PROM2: variants seen among roughly 807,000 people sequenced by gnomAD.
PROM2 encodes the protein prominin-2.
Under a neutral mutation model 110.2 loss-of-function variants are expected in PROM2, and 90 were observed. The observed-to-expected ratio is 0.82, with a 90% confidence interval of 0.69 to 0.97. The LOEUF (loss-of-function observed/expected upper bound fraction) is 0.97. Ranked by LOEUF, PROM2 falls within the 50% of genes least tolerant of loss-of-function variation. PROM2 has a pLI of 0.00. For synonymous variants in PROM2, 470 were observed against 467.8 expected, an observed-to-expected ratio of 1.00 and a Z score of -0.06; for missense variants, 1,009 against 1,074.8, an observed-to-expected ratio of 0.94 and a Z score of 0.86.
chr2:95,282,637 G>A (rs1349211018), intron 14 of PROM2, among the ~76,000 whole-genome samples: 2 of 152,172 alleles, frequency 1.3e-5, no homozygotes, highest in African/African-American at 4.8e-5. Flanking sequence ...CCAAGCTCAC[G>A]CAGGTGGGAG....
chr2:95,278,294 A>G, intron 8 of PROM2: 2 of 546,542 alleles, frequency 3.7e-6, no homozygotes, highest in Admixed American at 3.1e-5. Context: ...GCCAAGGGGG[A>G]GGATGCGGTG....
At chr2:95,285,501 G>A in intron 15 of PROM2, 138 bp from the exon 16 acceptor site, 2 of 674,344 alleles carry the variant, frequency 3.0e-6, no homozygotes, top group Non-Finnish European at 5.1e-6. Context: ...AAAACTCACT[G>A]TGACTGATGT....
chr2:95,288,701 A>G (rs1170761625), intron 22 of PROM2, 112 bp downstream of exon 22: 3 of 973,414 alleles, frequency 3.1e-6, no homozygotes, highest in East Asian at 2.5e-5. Flanking sequence ...GAGGAGGCTC[A>G]TGAGCGAGCC....
chr2:95,276,046 G>C lies in PROM2; in HGVS notation c.411G>C (p.Gly137=), dbSNP rs746905141. 14 of 1,611,414 alleles carry C rather than the reference G, an allele frequency of 8.7e-6. No homozygotes were observed. The highest frequency in any genetic ancestry group is 1.0e-5 in the Non-Finnish European group (12 of 1,179,906). Residue 137 remains glycine (G), a synonymous_variant, in exon 3 of 24, where the codon GGG becomes GGC. Coordinates refer to ENST00000317620, the MANE Select transcript of PROM2 (RefSeq NM_001165978.3). This position sits in a 1 kb window ranked among gnomAD's most constrained non-coding sequence, Gnocchi z 4.6. The stretch of plus-strand genomic sequence containing the variant: ...GCTGCCGCTGCCACCGGCGCTGCGG[G>C]GGACGAGTGAAGACAGAGCACAAGG... ...FCCCRCHRRC[G]GRVKTEHKAL... is the part of the protein sequence containing the mutation.
rs1676779239 is a variant in PROM2 at position 95,277,998 on chromosome 2, C to T, written c.1044C>T (p.Val348=). Residue 348 remains valine (V), a synonymous_variant, in exon 8 of 24, where the codon GTC becomes GTT. Transcript: ENST00000317620. ...GVPEANFSSM[V]QEENSTFNAL... ...CCGAGGCCAACTTCTCCAGCATGGT[C>T]CAGGAGGTGAGAGCCACCTGGTCTG... 6.2e-7 allele frequency: 1 copy of T among 1,609,814 alleles called. No homozygotes were observed. The highest frequency in any genetic ancestry group is 1.7e-5 in the Admixed American group (1 of 59,870).
Position 95,288,244 on chromosome 2 carries a change from T to C in PROM2, c.2278T>C (p.Ser760Pro). ...TQRIATCQPLSGALDNSRVIL... is the reference protein window; with the variant it reads ...TQRIATCQPLPGALDNSRVIL... ...GCGCATTGCCACCTGCCAGCCCCTC[T>C]CCGGAGCCCTGGACAACAGCCGTGT... Residue 760 changes from serine to proline, a missense_variant, in exon 21 of 24, where the codon TCC (serine) becomes CCC (proline). Physicochemically the swap from Ser to Pro is moderately conservative, Grantham distance 74. Coordinates refer to ENST00000317620, the MANE Select transcript of PROM2 (RefSeq NM_001165978.3). 1 of 1,613,954 alleles carries C rather than the reference T, an allele frequency of 6.2e-7. No homozygotes were observed. Among genetic ancestry groups the C allele is most frequent in the Non-Finnish European group, 8.5e-7 (1 of 1,180,010 alleles).
At position 95,285,567 on chromosome 2, in the gene PROM2, G is replaced by T. The variant is rs916243786; in HGVS notation, c.1876-72G>T. 3 of 1,275,044 alleles carry T rather than the reference G, an allele frequency of 2.4e-6. No homozygotes were observed. In the African/African-American group the frequency reaches 4.5e-5, roughly 19 times the overall value. The allele number at this position is 1,275,044 out of a possible 1,614,324, so 79.0% of individuals were successfully genotyped here. ...ATTTGATAAGACTGGGGATTTGGAG[G>T]CTGGGATCAGGTGGTGGTGGGCCCC... is the stretch of plus-strand genomic sequence containing the variant. On this transcript the variant is annotated intron_variant, in intron 15 of 23. Coordinates refer to ENST00000317620, the MANE Select transcript of PROM2 (RefSeq NM_001165978.3).
Position 95,274,689 on chromosome 2 carries a change from C to CGGCAGA in PROM2, c.106_111dup (p.Ala36_Glu37dup), listed in dbSNP as rs746729119. ...GCCACAGACTGCAAGTTCCTTGGCCCGGCAGAGCACCTGACATTCACCCCA... is the reference window on the plus strand; with the variant it reads ...GCCACAGACTGCAAGTTCCTTGGCCCGGCAGAGGCAGAGCACCTGACATTCACCCCA... On this transcript the variant is annotated inframe_insertion, in exon 1 of 24. Transcript: ENST00000317620. 8.1e-6 allele frequency: 13 copies of CGGCAGA among 1,612,676 alleles called. No homozygotes were observed. Among genetic ancestry groups the CGGCAGA allele is most frequent in the Non-Finnish European group, 1.1e-5 (13 of 1,179,886 alleles).
chr2:95,278,953 C>T (rs371994849), intron 9 of PROM2, 32 bp from the exon 10 acceptor site: 161 of 1,596,454 alleles, frequency 1.0e-4, no homozygotes, highest in African/African-American at 9.0e-4. Flanking sequence ...GGGTGCCCTC[C>T]GCATCCCACA....
In PROM2 at chr2:95,274,822, C is replaced by T; in HGVS notation, c.237C>T (p.Phe79=). 6.4e-7 allele frequency: 1 copy of T among 1,563,272 alleles called. No individual in the cohort carries two copies. Among genetic ancestry groups the T allele is most frequent in the Non-Finnish European group, 8.7e-7 (1 of 1,154,354 alleles). The part of the protein sequence containing the change: ...RFLSVVQLNP[F]PSELVKALLN... ...TCTCGGTGGTGCAGCTCAATCCTTT[C>T]CCTTCAGGTGAGTGTGCCCCTCCCC... The change falls in exon 1 of 24, where the codon TTC becomes TTT. Residue 79 remains phenylalanine, a synonymous_variant. Coordinates refer to ENST00000317620, the MANE Select transcript of PROM2 (RefSeq NM_001165978.3).
chr2:95,282,508 T>C (rs1392092122), intron 14 of PROM2, among the ~76,000 whole-genome samples: 1 of 152,104 alleles, frequency 6.6e-6, no homozygotes, highest in Non-Finnish European at 1.5e-5. Flanking sequence ...AGGGGGCCCA[T>C]GTGTCCTGAC....
intron 20 of PROM2, 54 bp downstream of exon 20, chr2:95,287,518 T>C: frequency 1.3e-6 from 2 of 1,573,986 alleles, no homozygotes; most frequent in Non-Finnish European, 1.7e-6. Flanking sequence ...GGACCAGCTG[T>C]TCACCCTGCT....
In PROM2 at chr2:95,276,531, G is replaced by C; in HGVS notation, c.619-63G>C. 2 of 1,611,148 alleles carry C rather than the reference G, an allele frequency of 1.2e-6. No individual in the cohort carries two copies. Among genetic ancestry groups the C allele is most frequent in the Non-Finnish European group, 1.7e-6 (2 of 1,177,594 alleles). ...ATAGGGGCAGGGAAGGGGCCAGGGA[G>C]AGAAGGGCGTAAGGACTGTGGGTGA... On this transcript the variant is annotated intron_variant, in intron 4 of 23. Coordinates refer to ENST00000317620, the MANE Select transcript of PROM2 (RefSeq NM_001165978.3). This position sits in a 1 kb window ranked among gnomAD's most constrained non-coding sequence, Gnocchi z 4.6.
chr2:95,274,892 C>T, intron 1 of PROM2, 63 bp downstream of exon 1: 1 of 1,487,472 alleles, frequency 6.7e-7, no homozygotes, highest in Non-Finnish European at 8.9e-7. Flanking sequence ...CTTCCTCTGT[C>T]CCACTCTACC....
chr2:95,288,671 C>G, intron 22 of PROM2, 82 bp downstream of exon 22: 4 of 1,171,360 alleles, frequency 3.4e-6, no homozygotes. Context: ...GTCACAGCCC[C>G]TCCTGAGACC....
chr2:95,286,328 A>C (rs1255869917), intron 16 of PROM2, 151 bp from the exon 17 acceptor site: 10 of 636,956 alleles, frequency 1.6e-5, no homozygotes, highest in African/African-American at 3.7e-5. Flanking sequence ...AGGCCCCCCA[A>C]ACCAAGATCA....
intron 20 of PROM2, 127 bp from the exon 21 acceptor site, chr2:95,288,084 G>A: frequency 1.2e-6 from 1 of 811,726 alleles, no homozygotes; most frequent in East Asian, 2.5e-5. Flanking sequence ...ATACAAGTGT[G>A]CGGTGGCCCC....
intron 6 of PROM2, 22 bp downstream of exon 6, chr2:95,277,083 G>T: frequency 1.3e-6 from 2 of 1,545,586 alleles, no homozygotes. Flanking sequence ...CCGCATCCTG[G>T]ATAGTGTGGA....
Position 95,288,560 on chromosome 2 carries a change from A to G in PROM2, c.2412A>G (p.Lys804=). 6.2e-7 allele frequency: 1 copy of G among 1,614,096 alleles called. No homozygotes were observed. The highest frequency in any genetic ancestry group is 8.5e-7 in the Non-Finnish European group (1 of 1,179,992). ...TCATCTTTGCCGTCAAGACCTCCAA[A>G]TACTTCCGTCCTATCCGGAAACGCC... ...PSIIFAVKTS[K]YFRPIRKRLS... The change falls in exon 22 of 24, where the codon AAA becomes AAG. Residue 804 remains lysine, a synonymous_variant. Transcript: ENST00000317620.
Sources: allele counts gnomAD v4.1 joint callset (sites outside exome capture counted in the v4.1 genomes callset), GRCh38; gene constraint gnomAD v4.1.1; non-coding constraint Gnocchi (gnomAD v3.1); transcripts MANE v1.5; gene names NCBI Gene and HGNC (gene_info 2026-07-23, HGNC 2026-07-21).